Variants in ZNF503 observed in about 807,000 individuals in gnomAD.
ZNF503 encodes the protein NocA-like zinc finger 2.
In ZNF503, 15 loss-of-function variants were observed where a neutral mutation model predicts 34.4. The observed-to-expected ratio is 0.44, with a 90% CI of 0.29 to 0.67. ZNF503 has a LOEUF of 0.67. ZNF503 is among the 30% of genes least tolerant of loss of function. The pLI is 0.13. For synonymous variants in ZNF503, 580 were observed against 456.8 expected (o/e 1.27, Z -3.44); for missense variants, 1,007 against 926.8 (o/e 1.09, Z -1.12).
rs1387176388 is a variant in ZNF503, at chr10:75,401,636, G to C, written c.-217C>G. 1 of 574,616 alleles carries C rather than the reference G, an allele frequency of 1.7e-6. No homozygotes were observed. 35.6% of individuals were successfully genotyped at this position (574,616 alleles called of 1,614,324 possible). Reference sequence around the variant, plus strand: ...AGCCGTGGCCGGGCTAGAGGAGCCGGCTGGACTGCGGGAGTGCCGGGCGGC... The same window carrying C: ...AGCCGTGGCCGGGCTAGAGGAGCCGCCTGGACTGCGGGAGTGCCGGGCGGC... On this transcript the variant is annotated 5_prime_UTR_variant, in exon 1 of 2. Coordinates refer to ENST00000372524, the MANE Select transcript of ZNF503 (RefSeq NM_032772.6).
At chr10:75,375,789 T>A in the ZNF503 span, among the ~76,000 whole-genome samples, 1 of 152,208 alleles carries the variant, frequency 6.6e-6, no homozygotes, top group Non-Finnish European at 1.5e-5. Flanking sequence ...ACTGCTGGGA[T>A]TACATACATG....
chr10:75,318,434 G>A, the ZNF503 span, among the ~76,000 whole-genome samples: 3 of 152,044 alleles, frequency 2.0e-5, no homozygotes, highest in African/African-American at 7.2e-5. Context: ...ACTTTGGGCA[G>A]CTGAAGCAGG....
At chr10:75,324,266 T>A in the ZNF503 span, among the ~76,000 whole-genome samples, 1 of 152,060 alleles carries the variant, frequency 6.6e-6, no homozygotes, top group Non-Finnish European at 1.5e-5. Context: ...CTTCTAGAAG[T>A]ACTGTAGTTT....
At chr10:75,357,851 C>T in the ZNF503 span, among the ~76,000 whole-genome samples, 3 of 152,096 alleles carry the variant, frequency 2.0e-5, no homozygotes, top group African/African-American at 2.4e-5. Flanking sequence ...ACAGGCGAGG[C>T]GCACAGGCTC....
chr10:75,382,593 G>T, the ZNF503 span: 1 of 426,448 alleles, frequency 2.3e-6, no homozygotes, highest in South Asian at 2.0e-5. Flanking sequence ...TCTTGTTTAG[G>T]ATCACATTTC....
At chr10:75,373,321 A>C in the ZNF503 span, 1 of 152,264 alleles carries the variant, frequency 6.6e-6, no homozygotes, top group African/African-American at 2.4e-5. Context: ...AGACTGGATG[A>C]GGTGTCTGTT....
Position 75,398,626 on chromosome 10 carries a change from C to G in ZNF503, c.*123G>C, listed in dbSNP as rs1843733592. On this transcript the variant is annotated 3_prime_UTR_variant, in exon 2 of 2. Transcript: ENST00000372524. ...AGATAGATACGGTATACATTTCTTT[C>G]CTTTCGTGGCCCGAGTCCTCCCCAC... is the stretch of plus-strand genomic sequence containing the variant. 1 of 901,082 alleles carries G rather than the reference C, an allele frequency of 1.1e-6. No individual in the cohort carries two copies. The highest frequency in any genetic ancestry group is 1.7e-5 in the African/African-American group (1 of 57,450). The allele number at this position is 901,082 out of a possible 1,614,324, so 55.8% of individuals were successfully genotyped here.
the ZNF503 span, among the ~76,000 whole-genome samples, chr10:75,389,031 A>T: frequency 4.9e-3 from 744 of 152,368 alleles, 8 homozygotes; most frequent in African/African-American, 0.017. Flanking sequence ...CCCTCAACCC[A>T]CAAAAGGCTT....
chr10:75,380,806 G>T, the ZNF503 span, among the ~76,000 whole-genome samples: 4 of 152,172 alleles, frequency 2.6e-5, no homozygotes, highest in African/African-American at 9.7e-5. Context: ...TGCAGAAGAG[G>T]TAATATTGTT....
the ZNF503 span, among the ~76,000 whole-genome samples, chr10:75,344,729 C>T: frequency 1.1e-4 from 16 of 152,182 alleles, no homozygotes; most frequent in Non-Finnish European, 1.8e-4. Flanking sequence ...ATTCTGTTAC[C>T]TGTAGCCAAA....
chr10:75,295,624 A>G, the ZNF503 span: 1 of 152,222 alleles, frequency 6.6e-6, no homozygotes, highest in Non-Finnish European at 1.5e-5. The surrounding 1 kb of genome is among the most constrained non-coding windows in gnomAD (Gnocchi z 4.0). Flanking sequence ...CATGAGTTGT[A>G]GATTATTCTG....
chr10:75,294,632 GC>G, the ZNF503 span, among the ~76,000 whole-genome samples: 673 of 151,910 alleles, frequency 4.4e-3, 5 homozygotes, highest in African/African-American at 0.015. Flanking sequence ...CCTCTGAGAG[GC>G]CCTGAAGGCA....
At position 75,397,886 on chromosome 10, in the gene ZNF503, A is replaced by G. The variant is rs1240107871; in HGVS notation, c.*863T>C. The G allele has an allele frequency of 6.5e-6, 1 of 152,708 alleles. No homozygotes were observed. Among genetic ancestry groups the G allele is most frequent in the Admixed American group, 6.5e-5 (1 of 15,290 alleles). 9.5% of individuals were successfully genotyped at this position (152,708 alleles called of 1,614,324 possible). On this transcript the variant is annotated 3_prime_UTR_variant, in exon 2 of 2. Coordinates refer to ENST00000372524, the MANE Select transcript of ZNF503 (RefSeq NM_032772.6). Reference sequence around the variant, plus strand: ...ACGGAATTTTAATCTTTAAAGCGATACATTGTCTATTATTTTAGTACATGA... The same window carrying G: ...ACGGAATTTTAATCTTTAAAGCGATGCATTGTCTATTATTTTAGTACATGA...
the ZNF503 span, among the ~76,000 whole-genome samples, chr10:75,310,475 T>C: frequency 2.0e-5 from 3 of 152,330 alleles, no homozygotes; most frequent in South Asian, 6.2e-4. Flanking sequence ...TAGGAAACTT[T>C]CAGACAATAA....
rs1208199268 is a variant in ZNF503 at position 75,399,004 on chromosome 10, G to C, written c.1686C>G (p.Ala562=). 2 of 1,608,350 alleles carry C rather than the reference G, an allele frequency of 1.2e-6. No homozygotes were observed. Among genetic ancestry groups the C allele is most frequent in the Non-Finnish European group, 8.5e-7 (1 of 1,179,416 alleles). ...AAGCCATGGCGGCCGCGGCAGCGCT[G>C]GCCAGAGACGACGAGCTGGGGTAGC... is the stretch of plus-strand genomic sequence containing the variant. ...LSGYPSSSSL[A]SAAAAAMACH... The change falls in exon 2 of 2, where the codon GCC becomes GCG. Residue 562 remains alanine, a synonymous_variant. Transcript: ENST00000372524.
At chr10:75,335,075 C>T in the ZNF503 span, among the ~76,000 whole-genome samples, 1 of 152,116 alleles carries the variant, frequency 6.6e-6, no homozygotes, top group African/African-American at 2.4e-5. Flanking sequence ...ATCTCAGTTC[C>T]ATCATTTACT....
chr10:75,333,683 G>A, the ZNF503 span, among the ~76,000 whole-genome samples: 1 of 17,628 alleles, frequency 5.7e-5, no homozygotes, highest in African/African-American at 4.1e-4. Context: ...CAGGCGGGGG[G>A]CTGACCCCCC....
the ZNF503 span, among the ~76,000 whole-genome samples, chr10:75,320,430 G>A: frequency 2.0e-5 from 3 of 152,026 alleles, no homozygotes; most frequent in African/African-American, 2.4e-5. Context: ...GCAGTGAGCC[G>A]AGATCGCACC....
chr10:75,372,189 C>G, the ZNF503 span, among the ~76,000 whole-genome samples: 1 of 152,220 alleles, frequency 6.6e-6, no homozygotes, highest in South Asian at 2.1e-4. Flanking sequence ...GCCTTAGCCT[C>G]CCAAAGTGCT....
Sources: allele counts gnomAD v4.1 joint callset (sites outside exome capture counted in the v4.1 genomes callset), GRCh38; gene constraint gnomAD v4.1.1; non-coding constraint Gnocchi (gnomAD v3.1); transcripts MANE v1.5; gene names NCBI Gene and HGNC (gene_info 2026-07-23, HGNC 2026-07-21).